Variants in PDE4D observed in about 807,000 individuals in gnomAD.
PDE4D encodes the protein 3',5'-cyclic-AMP phosphodiesterase 4D.
PDE4D carries 24 observed loss-of-function variants against 87.4 expected under a neutral mutation model. That is an observed-to-expected ratio of 0.27 (90% CI 0.20 to 0.39). The LOEUF is 0.39. PDE4D is among the 10% of genes least tolerant of loss of function. The pLI, the probability that PDE4D is intolerant of heterozygous loss-of-function variation, is 1.00. For missense variants in PDE4D, 714 were observed against 1,041.0 expected, an observed-to-expected ratio of 0.69 and a Z score of 4.32; for synonymous variants, 384 against 383.2, an observed-to-expected ratio of 1.00 and a Z score of -0.02.
chr5:59,568,775 C>A (rs1821359483), intron 1 of PDE4D, among the ~76,000 whole-genome samples: 1 of 151,932 alleles, frequency 6.6e-6, no homozygotes, highest in African/African-American at 2.4e-5. Context: ...TGAGAAAATT[C>A]TATAGCAAAG....
intron 6 of PDE4D, among the ~76,000 whole-genome samples, chr5:59,018,717 C>G (rs1166106629): frequency 6.6e-6 from 1 of 152,060 alleles, no homozygotes; most frequent in Admixed American, 6.6e-5. Flanking sequence ...TCTAATAATT[C>G]ACAAAAGTGT....
intron 1 of PDE4D, among the ~76,000 whole-genome samples, chr5:59,351,880 T>C (rs948239915): frequency 2.7e-4 from 41 of 152,248 alleles, no homozygotes; most frequent in African/African-American, 8.9e-4. Context: ...TAGAGGAAGA[T>C]AGTACATCTG....
At chr5:60,280,068 C>T (rs1480507825) in intron 1 of PDE4D, among the ~76,000 whole-genome samples, 1 of 151,924 alleles carries the variant, frequency 6.6e-6, no homozygotes, top group South Asian at 2.1e-4. Context: ...CAGAACAAGG[C>T]CCTGTCTCAA....
In PDE4D at chr5:60,322,411, C is replaced by A. The variant is rs200954744; in HGVS notation, c.-89-136724G>T. On this transcript the variant is annotated intron_variant, in intron 1 of 16. Coordinates refer to the PDE4D transcript ENST00000502484. Reference sequence around the variant, plus strand: ...ACACACACACACACACACACACACACACACAAAACCCTAACATATTTCAAA... The same window carrying A: ...ACACACACACACACACACACACACAAACACAAAACCCTAACATATTTCAAA... Among the ~76,000 whole-genome samples, 1,322 of 134,506 alleles carry A rather than the reference C, an allele frequency of 9.8e-3. 16 individuals are homozygous for A. The highest frequency in any genetic ancestry group is 0.046 in the South Asian group (176 of 3,858). 88.2% of individuals were successfully genotyped at this position (134,506 alleles called of 152,430 possible).
chr5:58,996,080 T>C (rs918635458), intron 6 of PDE4D, among the ~76,000 whole-genome samples: 2 of 151,464 alleles, frequency 1.3e-5, no homozygotes, highest in East Asian at 1.9e-4. Context: ...TAAGTGGGAG[T>C]TGAACAATGA....
chr5:59,397,029 C>A (rs541546035), intron 1 of PDE4D, among the ~76,000 whole-genome samples: 1 of 127,624 alleles, frequency 7.8e-6, no homozygotes, highest in Non-Finnish European at 1.7e-5. Context: ...ACAAGAAGAG[C>A]TAACTATCCT....
intron 5 of PDE4D, among the ~76,000 whole-genome samples, chr5:59,067,849 ACTTTT>A (rs1471882992): frequency 1.3e-5 from 2 of 152,182 alleles, no homozygotes; most frequent in Non-Finnish European, 2.9e-5. Flanking sequence ...AAGGACATGG[ACTTTT>A]CTTTATTTCT....
intron 2 of PDE4D, among the ~76,000 whole-genome samples, chr5:60,046,363 T>C (rs1170795301): frequency 6.6e-6 from 1 of 152,170 alleles, no homozygotes; most frequent in African/African-American, 2.4e-5. Context: ...TTTATTTCCT[T>C]CTCCTGCCTA....
chr5:60,486,088 C>T (rs1246506965), intron 1 of PDE4D, among the ~76,000 whole-genome samples: 1 of 152,168 alleles, frequency 6.6e-6, no homozygotes, highest in Non-Finnish European at 1.5e-5. Context: ...AAGTGGGCCA[C>T]ATGGACCTAA....
At chr5:60,516,090 T>G (rs1463313796) in intron 1 of PDE4D, among the ~76,000 whole-genome samples, 2 of 152,248 alleles carry the variant, frequency 1.3e-5, no homozygotes, top group Non-Finnish European at 2.9e-5. Context: ...GTGCTCAGAT[T>G]AAGCCTGTTT....
chr5:59,397,837 G>T (rs1789752262), intron 1 of PDE4D, among the ~76,000 whole-genome samples: 1 of 116,210 alleles, frequency 8.6e-6, no homozygotes, highest in East Asian at 2.7e-4. Context: ...CCGCTAGCAA[G>T]ACTAATAAAG....
At chr5:60,271,729 A>C (rs1309493117) in intron 1 of PDE4D, among the ~76,000 whole-genome samples, 1 of 152,156 alleles carries the variant, frequency 6.6e-6, no homozygotes, top group African/African-American at 2.4e-5. Flanking sequence ...AATGAAATAC[A>C]GCATTTAAAT....
chr5:59,916,857 A>G (rs947067745), intron 3 of PDE4D, among the ~76,000 whole-genome samples: 1 of 148,802 alleles, frequency 6.7e-6, no homozygotes, highest in Non-Finnish European at 1.5e-5. Context: ...GTGCAATCTC[A>G]CCTCACTGCA....
intron 1 of PDE4D, among the ~76,000 whole-genome samples, chr5:59,892,398 G>A (rs1037438892): frequency 1.3e-5 from 2 of 152,056 alleles, no homozygotes; most frequent in Non-Finnish European, 2.9e-5. Context: ...CTTTCTTCCT[G>A]GGATTTTGCA....
chr5:59,356,785 G>T, intron 1 of PDE4D: 1 of 1,567,836 alleles, frequency 6.4e-7, no homozygotes, highest in Non-Finnish European at 8.6e-7. Context: ...ACGCAATCTT[G>T]ATTTGGCTCT....
chr5:60,307,591 A>G (rs1361943412), intron 1 of PDE4D, among the ~76,000 whole-genome samples: 1 of 152,148 alleles, frequency 6.6e-6, no homozygotes, highest in African/African-American at 2.4e-5. Context: ...GGCCCATAGA[A>G]CACGCCAATG....
intron 1 of PDE4D, among the ~76,000 whole-genome samples, chr5:59,859,375 C>A (rs1253118980): frequency 6.6e-6 from 1 of 152,130 alleles, no homozygotes; most frequent in African/African-American, 2.4e-5. Flanking sequence ...CATACTTCAC[C>A]ATTCATCTGA....
chr5:59,083,931 A>C (rs1580711761), intron 5 of PDE4D, among the ~76,000 whole-genome samples: 1 of 152,206 alleles, frequency 6.6e-6, no homozygotes, highest in South Asian at 2.1e-4. Context: ...GCTCTGTAGT[A>C]CTTATAAACT....
intron 2 of PDE4D, among the ~76,000 whole-genome samples, chr5:60,088,640 A>C (rs1028659060): frequency 3.9e-5 from 6 of 151,954 alleles, no homozygotes; most frequent in Non-Finnish European, 7.4e-5. Flanking sequence ...GTAACAACAA[A>C]GCAAAAACCT....
Sources: gnomAD v4.1 joint callset for allele counts (sites outside exome capture counted in the v4.1 genomes callset) on GRCh38, gnomAD v4.1.1 for gene constraint, MANE v1.5 for transcripts, NCBI Gene and HGNC (gene_info 2026-07-23, HGNC 2026-07-21) for gene names.